Variants in ERAP1 observed in about 807,000 individuals in gnomAD.
The protein encoded by ERAP1 is adipocyte-derived leucine aminopeptidase.
Under a neutral mutation model 103.7 loss-of-function variants are expected in ERAP1, and 86 were observed. That is an observed-to-expected ratio of 0.83 (90% CI 0.70 to 0.99). The LOEUF (loss-of-function observed/expected upper bound fraction) is 0.99, where lower values mean the gene tolerates loss of function less well. Ranked by LOEUF, ERAP1 falls within the 50% of genes least tolerant of loss-of-function variation. The pLI is 0.00. For missense variants in ERAP1, 1,009 were observed against 1,128.4 expected, an observed-to-expected ratio of 0.89 and a Z score of 1.52; for synonymous variants, 398 against 402.4, an observed-to-expected ratio of 0.99 and a Z score of 0.13.
the ERAP1 span, among the ~76,000 whole-genome samples, chr5:96,863,613 A>T: frequency 7.4e-6 from 1 of 135,694 alleles, no homozygotes; most frequent in Non-Finnish European, 1.5e-5. Context: ...TTCTCTTTTT[A>T]CTCTGTATTT....
chr5:96,815,345 T>C, the ERAP1 span, among the ~76,000 whole-genome samples: 2 of 152,066 alleles, frequency 1.3e-5, no homozygotes, highest in Non-Finnish European at 2.9e-5. Context: ...TCTTTGTAAA[T>C]GCACTGCTAA....
the ERAP1 span, among the ~76,000 whole-genome samples, chr5:96,845,039 A>G: frequency 1.3e-5 from 2 of 152,194 alleles, no homozygotes; most frequent in Admixed American, 6.5e-5. Context: ...AAAATTGCCT[A>G]CAGAATGGTC....
intron 19 of ERAP1, among the ~76,000 whole-genome samples, chr5:96,764,745 C>G (rs1473284392): frequency 6.6e-6 from 1 of 152,222 alleles, no homozygotes; most frequent in Non-Finnish European, 1.5e-5. Context: ...CAAAGAAACA[C>G]TTACCCTCTA....
the ERAP1 span, among the ~76,000 whole-genome samples, chr5:96,868,339 C>T: frequency 2.0e-5 from 3 of 152,226 alleles, no homozygotes; most frequent in South Asian, 6.2e-4. Context: ...TCGGTGTGGC[C>T]ATCCTTGGAA....
At chr5:96,854,675 A>G in the ERAP1 span, among the ~76,000 whole-genome samples, 1 of 152,216 alleles carries the variant, frequency 6.6e-6, no homozygotes, top group Non-Finnish European at 1.5e-5. Flanking sequence ...ACAAACAGTT[A>G]GAATCCTAAT....
At chr5:96,857,616 A>C in the ERAP1 span, among the ~76,000 whole-genome samples, 1 of 152,252 alleles carries the variant, frequency 6.6e-6, no homozygotes, top group African/African-American at 2.4e-5. Flanking sequence ...TGACTTTCCG[A>C]AGGTTACATA....
intron 4 of ERAP1, among the ~76,000 whole-genome samples, chr5:96,795,909 C>A (rs1237414596): frequency 6.6e-6 from 1 of 152,076 alleles, no homozygotes; most frequent in Non-Finnish European, 1.5e-5. Flanking sequence ...AAAACAATTA[C>A]CAGACACAGA....
At chr5:96,820,119 A>G in the ERAP1 span, among the ~76,000 whole-genome samples, 12 of 152,326 alleles carry the variant, frequency 7.9e-5, no homozygotes, top group East Asian at 1.7e-3. Flanking sequence ...GGAAACAGCA[A>G]AAAAAGCTTT....
chr5:96,815,429 G>C, the ERAP1 span, among the ~76,000 whole-genome samples: 4 of 49,370 alleles, frequency 8.1e-5, no homozygotes, highest in Non-Finnish European at 1.7e-4. Flanking sequence ...TTTTTTTTTT[G>C]AGATGGGATT....
the ERAP1 span, among the ~76,000 whole-genome samples, chr5:96,880,438 A>G: frequency 1.3e-5 from 2 of 152,242 alleles, no homozygotes; most frequent in South Asian, 2.1e-4. Context: ...ATGTAAAGAC[A>G]GGACTCAGAG....
chr5:96,830,199 A>G, the ERAP1 span, among the ~76,000 whole-genome samples: 2 of 152,164 alleles, frequency 1.3e-5, no homozygotes, highest in Admixed American at 6.5e-5. Context: ...CTATGTACAG[A>G]CTGCAGACCA....
Position 96,792,136 on chromosome 5 carries a change from G to C in ERAP1, c.1245C>G (p.Ser415=). 1 of 1,613,848 alleles carries C rather than the reference G, an allele frequency of 6.2e-7. No individual in the cohort carries two copies. The highest frequency in any genetic ancestry group is 8.5e-7 in the Non-Finnish European group (1 of 1,179,810). The change falls in exon 8 of 19, where the codon TCC becomes TCG. Residue 415 remains serine, a synonymous_variant. Coordinates refer to ENST00000443439, the MANE Select transcript of ERAP1 (RefSeq NM_001040458.3). ...CCACAGGTGTAGACACAGGGTGTGA[G>C]GAATTTAAAGCATCTACCTCCATTG... ...FDAMEVDALN[S]SHPVSTPVEN...
chr5:96,806,302 G>T (rs375464537), intron 1 of ERAP1, among the ~76,000 whole-genome samples: 1 of 152,098 alleles, frequency 6.6e-6, no homozygotes, highest in South Asian at 2.1e-4. Context: ...AAAAAAGAAA[G>T]CTCTCAAAAA....
chr5:96,859,368 G>A, the ERAP1 span, among the ~76,000 whole-genome samples: 16 of 152,236 alleles, frequency 1.1e-4, no homozygotes, highest in Non-Finnish European at 1.3e-4. Flanking sequence ...GTTGCTCTGC[G>A]AGTGCAGGTT....
the ERAP1 span, among the ~76,000 whole-genome samples, chr5:96,828,949 C>T: frequency 3.3e-5 from 5 of 152,208 alleles, no homozygotes; most frequent in Admixed American, 6.5e-5. Flanking sequence ...CTTGTTCAAG[C>T]AATTCTCCTG....
chr5:96,822,189 G>T, the ERAP1 span, among the ~76,000 whole-genome samples: 1 of 152,108 alleles, frequency 6.6e-6, no homozygotes, highest in African/African-American at 2.4e-5. Flanking sequence ...TTCTAATCAG[G>T]CTTCAAATAA....
chr5:96,804,470 C>A (rs1446575355), intron 1 of ERAP1: 2 of 177,344 alleles, frequency 1.1e-5, no homozygotes, highest in Non-Finnish European at 2.4e-5. Context: ...AGAACGAGGT[C>A]TCCACTTCCC....
the ERAP1 span, among the ~76,000 whole-genome samples, chr5:96,884,790 G>A: frequency 6.6e-6 from 1 of 152,096 alleles, no homozygotes; most frequent in African/African-American, 2.4e-5. Flanking sequence ...CAAACTCAGG[G>A]ACCCTGCAGG....
the ERAP1 span, among the ~76,000 whole-genome samples, chr5:96,866,869 CT>C: frequency 6.6e-6 from 1 of 152,202 alleles, no homozygotes; most frequent in African/African-American, 2.4e-5. Flanking sequence ...TCCATACTGC[CT>C]CTCTGGGGAT....
Sources: gnomAD v4.1 joint callset for allele counts (sites outside exome capture counted in the v4.1 genomes callset) on GRCh38, gnomAD v4.1.1 for gene constraint, MANE v1.5 for transcripts, NCBI Gene and HGNC (gene_info 2026-07-23, HGNC 2026-07-21) for gene names.